Variants in PARD3 observed in about 807,000 individuals in gnomAD.
PARD3 encodes par-3 family cell polarity regulator.
Under a neutral mutation model 155.4 loss-of-function variants are expected in PARD3, and 75 were observed. The observed-to-expected ratio is 0.48, with a 90% CI of 0.40 to 0.58. The LOEUF (loss-of-function observed/expected upper bound fraction) is 0.58, where lower values mean the gene tolerates loss of function less well. Among genes scored for constraint, PARD3 ranks in the 20% least tolerant of loss-of-function variants. PARD3 has a pLI of 0.00. For missense variants in PARD3, 1,642 were observed against 1,721.7 expected (o/e 0.95, Z 0.82); for synonymous variants, 576 against 610.5 (o/e 0.94, Z 0.83).
chr10:34,736,742 T>G (rs1371756086), intron 1 of PARD3, among the ~76,000 whole-genome samples: 2 of 152,032 alleles, frequency 1.3e-5, no homozygotes, highest in South Asian at 4.1e-4. Context: ...TGGTGCAATC[T>G]AGGCTCACTG....
intron 1 of PARD3, among the ~76,000 whole-genome samples, chr10:34,806,589 C>G (rs1843417565): frequency 6.6e-6 from 1 of 152,180 alleles, no homozygotes; most frequent in Non-Finnish European, 1.5e-5. Flanking sequence ...CCTCAGCTTC[C>G]CAAAGCTCTG....
chr10:34,378,967 G>A (rs1202019904), intron 9 of PARD3, among the ~76,000 whole-genome samples: 1 of 152,118 alleles, frequency 6.6e-6, no homozygotes, highest in Non-Finnish European at 1.5e-5. Context: ...AAGCCAACAC[G>A]TGCCCAGGAA....
chr10:34,208,695 C>T (rs1951596681), intron 22 of PARD3, among the ~76,000 whole-genome samples: 1 of 152,158 alleles, frequency 6.6e-6, no homozygotes, highest in Non-Finnish European at 1.5e-5. Flanking sequence ...GTTCAGGAAA[C>T]AGGAGCTGTA....
intron 1 of PARD3, among the ~76,000 whole-genome samples, chr10:34,710,482 C>T (rs531942132): frequency 1.3e-5 from 2 of 152,078 alleles, no homozygotes; most frequent in African/African-American, 4.8e-5. Flanking sequence ...CACTTCTAGA[C>T]CCCATCTCTT....
intron 22 of PARD3, among the ~76,000 whole-genome samples, chr10:34,175,778 G>A (rs1392872923): frequency 6.6e-6 from 1 of 152,084 alleles, no homozygotes; most frequent in African/African-American, 2.4e-5. Flanking sequence ...CAGTTTTATG[G>A]GATGACTGAG....
At chr10:34,125,094 T>C (rs1249917156) in intron 23 of PARD3, among the ~76,000 whole-genome samples, 1 of 150,262 alleles carries the variant, frequency 6.7e-6, no homozygotes, top group Non-Finnish European at 1.5e-5. Flanking sequence ...TGAGACGGAG[T>C]CTTGCTCTTG....
chr10:34,331,005 G>A, intron 19 of PARD3, 112 bp downstream of exon 19: 2 of 716,170 alleles, frequency 2.8e-6, no homozygotes, highest in South Asian at 1.9e-5. Flanking sequence ...AGACCTCAGA[G>A]ATCTCAGAGA....
chr10:34,242,275 C>T (rs1189300859), intron 22 of PARD3, among the ~76,000 whole-genome samples: 1 of 152,078 alleles, frequency 6.6e-6, no homozygotes. Context: ...ATGATCATGC[C>T]TGTTTATAAA....
At chr10:34,541,824 G>A (rs895857478) in intron 2 of PARD3, among the ~76,000 whole-genome samples, 3 of 151,926 alleles carry the variant, frequency 2.0e-5, no homozygotes, top group Non-Finnish European at 2.9e-5. Context: ...GGTATGCCTC[G>A]CTGTAAGCAA....
chr10:34,531,325 A>C (rs1046395781), intron 2 of PARD3, among the ~76,000 whole-genome samples: 2 of 152,216 alleles, frequency 1.3e-5, no homozygotes, highest in African/African-American at 4.8e-5. Flanking sequence ...TGGTTGGCAG[A>C]AGTTATTAAT....
chr10:34,593,903 C>G (rs2088964001), intron 2 of PARD3, among the ~76,000 whole-genome samples: 3 of 152,196 alleles, frequency 2.0e-5, no homozygotes, highest in Non-Finnish European at 2.9e-5. Context: ...CCGGAGATTT[C>G]TGAGAAGCCT....
rs114286798 is a variant in PARD3, at chr10:34,672,537, G to C, written c.222+23781C>G. 2.7e-3 allele frequency among the ~76,000 whole-genome samples: 417 copies of C among 152,286 alleles called. 1 individual carries two copies. The highest frequency in any genetic ancestry group is 9.6e-3 in the African/African-American group (398 of 41,538). Reference sequence around the variant, plus strand: ...CTTTGTATTAATAAACACATGAACGGCCCAGTGCATTGGCTCATGCCTGTA... The same window carrying C: ...CTTTGTATTAATAAACACATGAACGCCCCAGTGCATTGGCTCATGCCTGTA... On this transcript the variant is annotated intron_variant, in intron 2 of 24. Transcript: ENST00000374788.
chr10:34,233,015 T>A (rs1381927183), intron 22 of PARD3, among the ~76,000 whole-genome samples: 7 of 141,968 alleles, frequency 4.9e-5, no homozygotes, highest in Non-Finnish European at 9.1e-5. Context: ...CCTCAAATGT[T>A]AATTTTTTTT....
chr10:34,368,765 T>C (rs1840250983), intron 12 of PARD3, among the ~76,000 whole-genome samples: 2 of 147,752 alleles, frequency 1.4e-5, no homozygotes, highest in African/African-American at 5.0e-5. Flanking sequence ...GAAGTGTCCA[T>C]GCAGTAGTTA....
chr10:34,159,997 A>G (rs1343688196), intron 22 of PARD3, among the ~76,000 whole-genome samples: 2 of 152,228 alleles, frequency 1.3e-5, no homozygotes, highest in Non-Finnish European at 2.9e-5. Flanking sequence ...TAATAGCATC[A>G]AGGGTGCATT....
intron 2 of PARD3, among the ~76,000 whole-genome samples, chr10:34,621,851 T>C (rs2091698248): frequency 1.3e-5 from 2 of 152,220 alleles, no homozygotes; most frequent in Non-Finnish European, 2.9e-5. Context: ...AGATTGTGTA[T>C]CCAAACATTA....
At chr10:34,657,016 ACT>A (rs1461360410) in intron 2 of PARD3, among the ~76,000 whole-genome samples, 10 of 152,258 alleles carry the variant, frequency 6.6e-5, no homozygotes, top group Non-Finnish European at 1.5e-4. Flanking sequence ...TCTACTTTTT[ACT>A]CTGTGTAGAA....
intron 1 of PARD3, among the ~76,000 whole-genome samples, chr10:34,745,431 G>GGAAAGAGAGA (rs140960424): frequency 1.2e-4 from 18 of 146,450 alleles, no homozygotes; most frequent in African/African-American, 1.8e-4. Flanking sequence ...AGGGAGGGAG[G>GGAAAGAGAGA]GAAAGAGAGA....
chr10:34,268,696 C>T (rs1955461898), intron 22 of PARD3, among the ~76,000 whole-genome samples: 1 of 151,932 alleles, frequency 6.6e-6, no homozygotes, highest in Admixed American at 6.6e-5. Flanking sequence ...CCAAACACCA[C>T]ATGTTCTCAC....
Sources: gnomAD v4.1 joint callset for allele counts (sites outside exome capture counted in the v4.1 genomes callset) on GRCh38, gnomAD v4.1.1 for gene constraint, MANE v1.5 for transcripts, NCBI Gene and HGNC (gene_info 2026-07-23, HGNC 2026-07-21) for gene names.